Variants in TMC2 observed in about 807,000 individuals in gnomAD.
TMC2 encodes the protein transmembrane channel-like protein 2.
Under a neutral mutation model 105.9 loss-of-function variants are expected in TMC2, and 102 were observed. That is an observed-to-expected ratio of 0.96 (90% CI 0.82 to 1.14). The LOEUF (loss-of-function observed/expected upper bound fraction) is 1.14, where lower values mean the gene tolerates loss of function less well. TMC2 is among the 50% of genes most tolerant of loss of function. The pLI is 0.00. For missense variants in TMC2, 1,093 were observed against 1,134.3 expected (o/e 0.96, Z 0.52); for synonymous variants, 402 against 422.8 (o/e 0.95, Z 0.60).
rs972516855 is a variant in TMC2 at position 2,592,475 on chromosome 20, G to A, written c.933+67G>A. 34 of 1,055,544 alleles carry A rather than the reference G, an allele frequency of 3.2e-5. No homozygotes were observed. In the African/African-American group the frequency reaches 4.2e-4, roughly 13 times the overall value. The allele number at this position is 1,055,544 out of a possible 1,614,324, so 65.4% of individuals were successfully genotyped here. ...TAAAGGCTAAAGATTGCATGGATAAGTATGAAATAGTGCGTTTAATTATTG... is the reference window on the plus strand; with the variant it reads ...TAAAGGCTAAAGATTGCATGGATAAATATGAAATAGTGCGTTTAATTATTG... On this transcript the variant is annotated intron_variant, in intron 8 of 19. Coordinates refer to ENST00000358864, the MANE Select transcript of TMC2 (RefSeq NM_080751.3). The surrounding 1 kb of genome is among the most constrained non-coding windows in gnomAD (Gnocchi z 4.9).
chr20:2,547,874 G>T (rs181595960), intron 2 of TMC2, among the ~76,000 whole-genome samples: 1 of 152,296 alleles, frequency 6.6e-6, no homozygotes, highest in African/African-American at 2.4e-5. Flanking sequence ...CAAACTTTCT[G>T]CTATTTTCTA....
At chr20:2,634,774 A>G (rs753539623) in intron 17 of TMC2, among the ~76,000 whole-genome samples, 14 of 152,202 alleles carry the variant, frequency 9.2e-5, no homozygotes, top group Non-Finnish European at 8.8e-5. Flanking sequence ...GCCCAGAGTA[A>G]TGCCTTACAT....
chr20:2,616,053 T>C lies in TMC2; in HGVS notation c.1873-84T>C, dbSNP rs1366677448. 1.8e-6 allele frequency: 2 copies of C among 1,100,608 alleles called. No individual in the cohort carries two copies. The highest frequency in any genetic ancestry group is 3.1e-5 in the African/African-American group (2 of 64,130). 68.2% of individuals were successfully genotyped at this position (1,100,608 alleles called of 1,614,324 possible). The stretch of plus-strand genomic sequence containing the variant: ...GATGGAATGGCCTTGGCTTGGCCAG[T>C]TGGTTGGTAGTAGGGTTTGGCTGAA... On this transcript the variant is annotated intron_variant, in intron 14 of 19. Coordinates refer to ENST00000358864, the MANE Select transcript of TMC2 (RefSeq NM_080751.3). This position sits in a 1 kb window ranked among gnomAD's most constrained non-coding sequence, Gnocchi z 4.8.
At position 2,641,681 on chromosome 20, in the gene TMC2, C is replaced by T. The variant is rs910028602; in HGVS notation, c.*330C>T. ...GTTGGGGAAGGGCCATGACCACCCT[C>T]GTAGACTTTTTCCATGGGATACAGT... On this transcript the variant is annotated 3_prime_UTR_variant, in exon 20 of 20. Transcript: ENST00000358864. The T allele has an allele frequency of 3.3e-5, 9 of 273,804 alleles. No individual in the cohort carries two copies. The highest frequency in any genetic ancestry group is 6.4e-5 in the Non-Finnish European group (9 of 141,250). 17.0% of individuals were successfully genotyped at this position (273,804 alleles called of 1,614,324 possible).
rs147689624 is a variant in TMC2, at chr20:2,589,920, C to T, written c.835-2390C>T. Among the ~76,000 whole-genome samples the T allele has an allele frequency of 7.2e-4, 110 of 152,286 alleles. 1 individual carries two copies. The highest frequency in any genetic ancestry group is 2.2e-3 in the African/African-American group (92 of 41,560). ...TTCTGACCTCATGATCTGCCCACCT[C>T]GGCTTCCCAAAGTGCTGGGATTACA... is the stretch of plus-strand genomic sequence containing the variant. On this transcript the variant is annotated intron_variant, in intron 7 of 19. Coordinates refer to ENST00000358864, the MANE Select transcript of TMC2 (RefSeq NM_080751.3).
intron 11 of TMC2, among the ~76,000 whole-genome samples, chr20:2,607,449 A>G (rs1156894266): frequency 6.6e-6 from 1 of 152,174 alleles, no homozygotes; most frequent in African/African-American, 2.4e-5. Flanking sequence ...TCAAAAGTTC[A>G]AGAGGCCCAG....
At chr20:2,539,897 G>C (rs2085877276) in intron 2 of TMC2, among the ~76,000 whole-genome samples, 1 of 151,884 alleles carries the variant, frequency 6.6e-6, no homozygotes, top group African/African-American at 2.4e-5. Context: ...GGCAGGAGTG[G>C]GCTAAGGAAA....
chr20:2,539,488 G>A (rs1263138401), intron 2 of TMC2, among the ~76,000 whole-genome samples: 1 of 152,166 alleles, frequency 6.6e-6, no homozygotes, highest in Non-Finnish European at 1.5e-5. Flanking sequence ...AGCTGACTGA[G>A]GACACAGAGA....
In TMC2 at chr20:2,592,964, C is replaced by T. The variant is rs1324902663; in HGVS notation, c.933+556C>T. Among the ~76,000 whole-genome samples, 1 of 152,172 alleles carries T rather than the reference C, an allele frequency of 6.6e-6. No individual in the cohort carries two copies. Among genetic ancestry groups the T allele is most frequent in the Non-Finnish European group, 1.5e-5 (1 of 68,038 alleles). ...CAACCAACCACTAAATCTGAACCTA[C>T]CTACTAAATATTTCTTAAATCTTTT... On this transcript the variant is annotated intron_variant, in intron 8 of 19. Transcript: ENST00000358864. This position sits in a 1 kb window ranked among gnomAD's most constrained non-coding sequence, Gnocchi z 4.9.
chr20:2,624,408 A>G lies in TMC2; in HGVS notation c.2306+12A>G. On this transcript the variant is annotated intron_variant, in intron 17 of 19. Transcript: ENST00000358864. ...ATCCTGCTGATGTTGTAAGTTAGCC[A>G]GGACCCATGGCTCCACCCCACGGAA... is the stretch of plus-strand genomic sequence containing the variant. The G allele has an allele frequency of 6.2e-7, 1 of 1,611,258 alleles. No individual in the cohort carries two copies. The highest frequency in any genetic ancestry group is 1.7e-5 in the Admixed American group (1 of 59,728).
In TMC2 at chr20:2,592,783, T is replaced by C. The variant is rs1244639613; in HGVS notation, c.933+375T>C. On this transcript the variant is annotated intron_variant, in intron 8 of 19. Coordinates refer to ENST00000358864, the MANE Select transcript of TMC2 (RefSeq NM_080751.3). The surrounding 1 kb of genome is among the most constrained non-coding windows in gnomAD (Gnocchi z 4.9). ...TGACATCTTCAACTGAATGTCCTAC[T>C]TGCTCTTCAAATGCAACACCTATCC... Among the ~76,000 whole-genome samples the C allele has an allele frequency of 6.6e-6, 1 of 152,184 alleles. No homozygotes were observed. The highest frequency in any genetic ancestry group is 1.5e-5 in the Non-Finnish European group (1 of 68,032).
intron 2 of TMC2, among the ~76,000 whole-genome samples, chr20:2,546,769 A>G (rs541004232): frequency 1.3e-5 from 2 of 152,312 alleles, no homozygotes; most frequent in East Asian, 3.9e-4. Context: ...GGGCAAAACA[A>G]ATAGTATCTG....
chr20:2,596,178 C>A (rs931582672), intron 9 of TMC2, among the ~76,000 whole-genome samples: 1 of 152,160 alleles, frequency 6.6e-6, no homozygotes, highest in African/African-American at 2.4e-5. Context: ...GTTTGGAATT[C>A]TGTGATTCCC....
chr20:2,632,581 G>C (rs987267009), intron 17 of TMC2, among the ~76,000 whole-genome samples: 3 of 151,528 alleles, frequency 2.0e-5, no homozygotes, highest in Non-Finnish European at 2.9e-5. Context: ...CTAGATTTTT[G>C]GGGTTTTTTG....
In TMC2 at chr20:2,610,565, TC is replaced by T; in HGVS notation, c.1561del (p.Leu521SerfsTer4). Reference sequence around the variant, plus strand: ...TCTTCCTGGGGAACCTCTACACATTTCTCTTGGCCCTGATGGATGACGTCCA... The same window carrying T: ...TCTTCCTGGGGAACCTCTACACATTTTCTTGGCCCTGATGGATGACGTCCA... ...ALFLGNLYTF[L>X]LALMDDVHLK... On this transcript the variant is annotated frameshift_variant, in exon 12 of 20. Coordinates refer to ENST00000358864, the MANE Select transcript of TMC2 (RefSeq NM_080751.3). LOFTEE classifies it high-confidence loss of function. The T allele has an allele frequency of 6.2e-7, 1 of 1,609,990 alleles. No homozygotes were observed. The highest frequency in any genetic ancestry group is 8.5e-7 in the Non-Finnish European group (1 of 1,177,972).
chr20:2,565,994 T>C (rs2086061504), intron 4 of TMC2, among the ~76,000 whole-genome samples: 1 of 152,070 alleles, frequency 6.6e-6, no homozygotes, highest in African/African-American at 2.4e-5. Context: ...GCCGAGATCA[T>C]GCCGCTGCAC....
At chr20:2,610,660 T>C in intron 12 of TMC2, 62 bp downstream of exon 12, 1 of 979,940 alleles carries the variant, frequency 1.0e-6, no homozygotes, top group Non-Finnish European at 1.3e-6. Context: ...TTTTCTTTTT[T>C]AATATAATAA....
rs6083778 is a variant in TMC2, at chr20:2,592,309, G to A, written c.835-1G>A. On this transcript the variant is annotated splice_acceptor_variant, in intron 7 of 19. Coordinates refer to ENST00000358864, the MANE Select transcript of TMC2 (RefSeq NM_080751.3). LOFTEE classifies it high-confidence loss of function. This position sits in a 1 kb window ranked among gnomAD's most constrained non-coding sequence, Gnocchi z 4.9. ...CTTGTGTCATTGTGTTTCTGCACAA[G>A]GTACTGATGGGCATGCCCTATGGGA... The A allele has an allele frequency of 6.2e-7, 1 of 1,607,216 alleles. No homozygotes were observed. The highest frequency in any genetic ancestry group is 8.5e-7 in the Non-Finnish European group (1 of 1,173,936).
At chr20:2,555,092 GT>G (rs2085977750) in intron 2 of TMC2, among the ~76,000 whole-genome samples, 1 of 151,586 alleles carries the variant, frequency 6.6e-6, no homozygotes, top group Admixed American at 6.6e-5. Flanking sequence ...TTTTTGTTTT[GT>G]TTTTTGAGAT....
Sources: gnomAD v4.1 joint callset for allele counts (sites outside exome capture counted in the v4.1 genomes callset) on GRCh38, gnomAD v4.1.1 for gene constraint, Gnocchi (gnomAD v3.1) non-coding constraint, MANE v1.5 for transcripts, NCBI Gene and HGNC (gene_info 2026-07-23, HGNC 2026-07-21) for gene names.